Variants in GALNT13 observed in about 807,000 individuals in gnomAD.
The protein encoded by GALNT13 is polypeptide N-acetylgalactosaminyltransferase 13.
In GALNT13, 28 loss-of-function variants were observed where a neutral mutation model predicts 64.2. The ratio of observed to expected loss-of-function variants is 0.44; its 90% CI spans 0.32 to 0.60. The LOEUF is 0.60. Among genes scored for constraint, GALNT13 ranks in the 20% least tolerant of loss-of-function variants. The pLI, the probability that GALNT13 is intolerant of heterozygous loss-of-function variation, is 0.05. For synonymous variants in GALNT13, 214 were observed against 224.6 expected (o/e 0.95, Z 0.42); for missense variants, 577 against 669.8 (o/e 0.86, Z 1.53).
chr2:153,169,817 C>T, the GALNT13 span, among the ~76,000 whole-genome samples: 1 of 152,318 alleles, frequency 6.6e-6, no homozygotes, highest in East Asian at 1.9e-4. Context: ...AGTACAACCC[C>T]TACTGTTGTT....
At chr2:153,914,069 C>A (rs764944352) in intron 2 of GALNT13, among the ~76,000 whole-genome samples, 1 of 152,026 alleles carries the variant, frequency 6.6e-6, no homozygotes, top group African/African-American at 2.4e-5. Flanking sequence ...ATGTAAACAT[C>A]CATGTTGTCT....
the GALNT13 span, among the ~76,000 whole-genome samples, chr2:153,315,234 A>T: frequency 6.6e-6 from 1 of 152,162 alleles, no homozygotes; most frequent in African/African-American, 2.4e-5. Flanking sequence ...TGGCTTATTT[A>T]TTTCTCACCT....
intron 3 of GALNT13, among the ~76,000 whole-genome samples, chr2:153,991,896 C>G (rs570370549): frequency 6.6e-6 from 1 of 152,070 alleles, no homozygotes; most frequent in Non-Finnish European, 1.5e-5. Context: ...ATCTGATGAT[C>G]ACTCCTATTT....
At chr2:153,344,474 T>C in the GALNT13 span, among the ~76,000 whole-genome samples, 1 of 152,242 alleles carries the variant, frequency 6.6e-6, no homozygotes, top group African/African-American at 2.4e-5. Flanking sequence ...ACAGAAGTGA[T>C]GCTGGGGTTG....
the GALNT13 span, among the ~76,000 whole-genome samples, chr2:153,597,481 A>G: frequency 6.6e-6 from 1 of 152,124 alleles, no homozygotes; most frequent in African/African-American, 2.4e-5. Flanking sequence ...AAAAAAATTC[A>G]CTCAAAATGA....
the GALNT13 span, among the ~76,000 whole-genome samples, chr2:153,691,389 A>T: frequency 2.0e-5 from 3 of 152,158 alleles, no homozygotes; most frequent in African/African-American, 2.4e-5. Flanking sequence ...GGTCATATTC[A>T]GTATGTGGAC....
the GALNT13 span, among the ~76,000 whole-genome samples, chr2:153,741,887 C>T: frequency 6.6e-6 from 1 of 151,912 alleles, no homozygotes; most frequent in South Asian, 2.1e-4. Context: ...TTCAAGGGTA[C>T]AAAGTGATGT....
chr2:154,172,108 A>G lies in GALNT13; in HGVS notation c.311+31603A>G, dbSNP rs1340888258. Among the ~76,000 whole-genome samples the G allele has an allele frequency of 4.6e-5, 7 of 151,952 alleles. No homozygotes were observed. In the East Asian group the frequency reaches 1.2e-3, roughly 25 times the overall value. On this transcript the variant is annotated intron_variant, in intron 4 of 12. Transcript: ENST00000392825. ...GTTTCTAACTATCTTTGCCAAATAA[A>G]TATTTTTGAGGGTGAATTTCAAATG...
intron 3 of GALNT13, among the ~76,000 whole-genome samples, chr2:154,003,867 A>C (rs1033682256): frequency 2.6e-5 from 4 of 151,966 alleles, no homozygotes; most frequent in African/African-American, 9.7e-5. Flanking sequence ...CTTCCTCTTC[A>C]CCTTCCACCA....
At chr2:153,208,518 A>G in the GALNT13 span, among the ~76,000 whole-genome samples, 3 of 152,114 alleles carry the variant, frequency 2.0e-5, no homozygotes, top group Non-Finnish European at 2.9e-5. Context: ...ATAATATTTC[A>G]TTGTATGGCC....
the GALNT13 span, among the ~76,000 whole-genome samples, chr2:153,485,813 T>C: frequency 2.0e-5 from 3 of 151,934 alleles, no homozygotes; most frequent in Non-Finnish European, 2.9e-5. Flanking sequence ...GGTATGAGGA[T>C]TGCTTGAGCC....
intron 3 of GALNT13, among the ~76,000 whole-genome samples, chr2:154,059,964 C>T (rs1245113737): frequency 6.6e-6 from 1 of 152,104 alleles, no homozygotes; most frequent in Non-Finnish European, 1.5e-5. Context: ...TGTTGAAATC[C>T]TAATCCCTAC....
At chr2:154,043,451 T>TACACAC (rs1403298945) in intron 3 of GALNT13, among the ~76,000 whole-genome samples, 1 of 113,600 alleles carries the variant, frequency 8.8e-6, no homozygotes, top group African/African-American at 4.0e-5. Context: ...TATATATATA[T>TACACAC]ATATACACAC....
chr2:154,046,694 C>G (rs1185706890), intron 3 of GALNT13, among the ~76,000 whole-genome samples: 1 of 152,054 alleles, frequency 6.6e-6, no homozygotes. Context: ...ACTATGAGCT[C>G]AACAGGGTGG....
the GALNT13 span, among the ~76,000 whole-genome samples, chr2:153,435,788 C>T: frequency 6.6e-6 from 1 of 152,064 alleles, no homozygotes. Flanking sequence ...GACAATTTGA[C>T]TTCCTCTTTT....
the GALNT13 span, among the ~76,000 whole-genome samples, chr2:153,435,667 G>A: frequency 1.3e-5 from 2 of 152,086 alleles, no homozygotes; most frequent in African/African-American, 2.4e-5. Flanking sequence ...TGTGATTTTT[G>A]CACATTGATT....
the GALNT13 span, among the ~76,000 whole-genome samples, chr2:153,379,607 T>G: frequency 6.6e-6 from 1 of 152,312 alleles, no homozygotes; most frequent in African/African-American, 2.4e-5. Flanking sequence ...AGATAAATGA[T>G]GACAGGTCTA....
At chr2:153,439,683 G>A in the GALNT13 span, among the ~76,000 whole-genome samples, 5 of 152,170 alleles carry the variant, frequency 3.3e-5, no homozygotes, top group African/African-American at 1.2e-4. Context: ...TAGTATTAGG[G>A]TGGGAGTGAC....
At chr2:154,157,362 T>C (rs1431652920) in intron 4 of GALNT13, among the ~76,000 whole-genome samples, 1 of 152,124 alleles carries the variant, frequency 6.6e-6, no homozygotes, top group African/African-American at 2.4e-5. Context: ...TAAGCACAAG[T>C]GCACTGTTCC....
Sources: allele counts gnomAD v4.1 joint callset (sites outside exome capture counted in the v4.1 genomes callset), GRCh38; gene constraint gnomAD v4.1.1; transcripts MANE v1.5; gene names NCBI Gene and HGNC (gene_info 2026-07-23, HGNC 2026-07-21).